ANO3: variants seen among roughly 807,000 people sequenced by gnomAD.
ANO3 encodes the protein anoctamin-3.
ANO3 carries 99 observed loss-of-function variants against 144.8 expected under a neutral mutation model. That is an observed-to-expected ratio of 0.68 (90% CI 0.58 to 0.81). The LOEUF (loss-of-function observed/expected upper bound fraction) is 0.81, where lower values mean the gene tolerates loss of function less well. Ranked by LOEUF, ANO3 falls within the 30% of genes least tolerant of loss-of-function variation. ANO3 has a pLI of 0.00. For synonymous variants in ANO3, 414 were observed against 392.6 expected, an observed-to-expected ratio of 1.05 and a Z score of -0.64; for missense variants, 905 against 1,202.2, an observed-to-expected ratio of 0.75 and a Z score of 3.66.
intron 3 of ANO3, among the ~76,000 whole-genome samples, chr11:26,452,735 C>T: frequency 6.6e-6 from 1 of 152,052 alleles, no homozygotes; most frequent in Admixed American, 6.6e-5. Context: ...GAGAACACCA[C>T]AAAGATACTC....
In ANO3 at chr11:26,230,796, CCAAAAAAAAAAAAAAA is replaced by C. The variant is rs1161126841; in HGVS notation, c.154+41467_154+41482del. On this transcript the variant is annotated intron_variant, in intron 1 of 27. Transcript: ENST00000672621. Reference sequence around the variant, plus strand: ...TGGGTGACAGAGCATGACTCCATCTCCAAAAAAAAAAAAAAAAAAAAAAAAAAAAAAAAAAAAAAAA... The same window carrying C: ...TGGGTGACAGAGCATGACTCCATCTCAAAAAAAAAAAAAAAAAAAAAAAAA... Among the ~76,000 whole-genome samples the C allele has an allele frequency of 8.9e-3, 710 of 79,332 alleles. 7 individuals carry two copies. The highest frequency in any genetic ancestry group is 0.059 in the East Asian group (125 of 2,112). The allele number at this position is 79,332 out of a possible 152,430, so 52.0% of individuals were successfully genotyped here.
chr11:26,238,891 T>C (rs552697540), intron 1 of ANO3, among the ~76,000 whole-genome samples: 1 of 152,044 alleles, frequency 6.6e-6, no homozygotes, highest in East Asian at 1.9e-4. Flanking sequence ...CAAATCATTA[T>C]TCAAAATTTG....
chr11:26,565,345 A>T, intron 14 of ANO3: 2 of 1,612,442 alleles, frequency 1.2e-6, no homozygotes, highest in Non-Finnish European at 1.7e-6. Context: ...GGTTCTGAAG[A>T]GAGGATGCTA....
intron 1 of ANO3, among the ~76,000 whole-genome samples, chr11:26,396,689 GGAACA>G (rs1400988332): frequency 2.0e-5 from 3 of 151,894 alleles, no homozygotes; most frequent in African/African-American, 7.3e-5. Flanking sequence ...AACTAACACA[GGAACA>G]GAAAACCAAA....
intron 4 of ANO3, among the ~76,000 whole-genome samples, chr11:26,475,564 A>G (rs541437009): frequency 1.3e-5 from 2 of 152,136 alleles, no homozygotes; most frequent in African/African-American, 4.8e-5. Flanking sequence ...ACAAACTGCA[A>G]TTTTCCATAC....
At chr11:26,376,667 A>C (rs199607539) in intron 1 of ANO3, among the ~76,000 whole-genome samples, 2 of 150,614 alleles carry the variant, frequency 1.3e-5, no homozygotes, top group Admixed American at 6.6e-5. Context: ...AAAAAAAAAA[A>C]AGAATAACAG....
At chr11:26,565,438 T>C in intron 14 of ANO3, 1 of 1,613,428 alleles carries the variant, frequency 6.2e-7, no homozygotes, top group Non-Finnish European at 8.5e-7. Context: ...AGAGCAGGTG[T>C]AGCATTGGGA....
chr11:26,316,616 G>A (rs1433485959), intron 1 of ANO3, among the ~76,000 whole-genome samples: 4 of 152,128 alleles, frequency 2.6e-5, no homozygotes, highest in Non-Finnish European at 2.9e-5. Context: ...TCTCAGAAGG[G>A]AGTATGTCTT....
chr11:26,561,240 A>C (rs780271691), intron 14 of ANO3: 23 of 1,589,632 alleles, frequency 1.4e-5, no homozygotes, highest in Admixed American at 1.8e-5. Flanking sequence ...AAAAGTAACA[A>C]AATAATACTG....
intron 1 of ANO3, among the ~76,000 whole-genome samples, chr11:26,326,814 C>T (rs1854897100): frequency 6.6e-6 from 1 of 152,148 alleles, no homozygotes. Flanking sequence ...CAATCACACC[C>T]AGGATACTTG....
intron 1 of ANO3, among the ~76,000 whole-genome samples, chr11:26,351,279 T>C (rs891541704): frequency 5.3e-5 from 8 of 152,200 alleles, no homozygotes; most frequent in African/African-American, 1.7e-4. Flanking sequence ...CCAAGTTATA[T>C]GTGACCCTAA....
chr11:26,483,095 T>G (rs1860292186), intron 4 of ANO3, among the ~76,000 whole-genome samples: 1 of 152,152 alleles, frequency 6.6e-6, no homozygotes, highest in Non-Finnish European at 1.5e-5. Flanking sequence ...TACCTAGTAA[T>G]GAGAATGCTG....
In ANO3 at chr11:26,430,034, T is replaced by C. The variant is rs939833468; in HGVS notation, c.47-11884T>C. Among the ~76,000 whole-genome samples the C allele has an allele frequency of 2.0e-5, 3 of 151,998 alleles. No homozygotes were observed. The East Asian group carries it at 5.8e-4, about 29-fold the overall frequency. On this transcript the variant is annotated intron_variant, in intron 1 of 26. Transcript: ENST00000256737. ...GGGGAGATCTCCTGAGGCCAGGAGTTTGAGATCGAGAACATCCTGGCCAAC... is the reference window on the plus strand; with the variant it reads ...GGGGAGATCTCCTGAGGCCAGGAGTCTGAGATCGAGAACATCCTGGCCAAC...
chr11:26,662,872 T>C lies in ANO3; in HGVS notation c.*2428T>C, dbSNP rs1217798660. 1 of 152,454 alleles carries C rather than the reference T, an allele frequency of 6.6e-6. No homozygotes were observed. The highest frequency in any genetic ancestry group is 2.4e-5 in the African/African-American group (1 of 41,432). 9.4% of individuals were successfully genotyped at this position (152,454 alleles called of 1,614,324 possible). On this transcript the variant is annotated 3_prime_UTR_variant, in exon 27 of 27. Transcript: ENST00000256737. Reference sequence around the variant, plus strand: ...ATCACTCTGTTTTAGTTGAGAGAAATGTTTTATATCATGGTTTTTATATGA... The same window carrying C: ...ATCACTCTGTTTTAGTTGAGAGAAACGTTTTATATCATGGTTTTTATATGA...
rs187394728 is a variant in ANO3, at chr11:26,422,414, G to A, written c.47-19504G>A. ...GAATTATATGAATGCCTTTTTAAAA[G>A]ATATCTGTAATTACATGTCTTGGAC... is the stretch of plus-strand genomic sequence containing the variant. On this transcript the variant is annotated intron_variant, in intron 1 of 26. Coordinates refer to ENST00000256737, the MANE Select transcript of ANO3 (RefSeq NM_031418.4). Among the ~76,000 whole-genome samples the A allele has an allele frequency of 1.7e-3, 265 of 152,100 alleles. 5 individuals carry two copies. The highest frequency in any genetic ancestry group is 0.017 in the Admixed American group (254 of 15,210).
intron 1 of ANO3, among the ~76,000 whole-genome samples, chr11:26,281,324 T>C (rs11029463): frequency 0.18 from 27,057 of 152,022 alleles, 2,694 homozygotes; most frequent in African/African-American, 0.27. Context: ...GAAATAACCA[T>C]TTCCTAATCA....
At chr11:26,371,433 A>G (rs1856252687) in intron 1 of ANO3, among the ~76,000 whole-genome samples, 2 of 152,212 alleles carry the variant, frequency 1.3e-5, no homozygotes, top group Non-Finnish European at 2.9e-5. Context: ...AAAGAAATGT[A>G]GGCTTGAAGC....
At chr11:26,475,498 TAG>T (rs1442919796) in intron 4 of ANO3, among the ~76,000 whole-genome samples, 1 of 151,984 alleles carries the variant, frequency 6.6e-6, no homozygotes, top group East Asian at 1.9e-4. Flanking sequence ...CACAGAGAAA[TAG>T]AGTCTGTTAA....
At chr11:26,637,282 C>A (rs776626939) in intron 20 of ANO3, among the ~76,000 whole-genome samples, 1 of 152,146 alleles carries the variant, frequency 6.6e-6, no homozygotes, top group Non-Finnish European at 1.5e-5. Flanking sequence ...GGTAGCGAAC[C>A]AATCACATGA....
Sources: allele counts gnomAD v4.1 joint callset (sites outside exome capture counted in the v4.1 genomes callset), GRCh38; gene constraint gnomAD v4.1.1; transcripts MANE v1.5; gene names NCBI Gene and HGNC (gene_info 2026-07-23, HGNC 2026-07-21).